Variants in PATJ observed in about 807,000 individuals in gnomAD.
PATJ encodes inaD-like protein.
PATJ carries 190 observed loss-of-function variants against 224.9 expected under a neutral mutation model. That is an observed-to-expected ratio of 0.84 (90% confidence interval 0.75 to 0.95). The LOEUF (loss-of-function observed/expected upper bound fraction) is 0.95. PATJ is among the 40% of genes least tolerant of loss of function. The pLI, the probability that PATJ is intolerant of heterozygous loss-of-function variation, is 0.00. For missense variants in PATJ, 2,121 were observed against 2,270.3 expected, an observed-to-expected ratio of 0.93 and a Z score of 1.34; for synonymous variants, 769 against 820.3, an observed-to-expected ratio of 0.94 and a Z score of 1.07.
chr1:62,023,290 CAA>C (rs10600520), intron 29 of PATJ, among the ~76,000 whole-genome samples: 1,401 of 105,034 alleles, frequency 0.013, 12 homozygotes, highest in Middle Eastern at 0.049. Context: ...AAGTCCATCT[CAA>C]AAAAAAAAAA....
intron 33 of PATJ, chr1:62,100,450 T>C (rs1446214490): frequency 1.4e-6 from 1 of 715,288 alleles, no homozygotes; most frequent in Non-Finnish European, 2.6e-6. Context: ...TGAACTCTTT[T>C]TATTAGGAAC....
At chr1:62,050,128 A>C (rs920095949) in intron 30 of PATJ, among the ~76,000 whole-genome samples, 4 of 151,600 alleles carry the variant, frequency 2.6e-5, no homozygotes, top group Admixed American at 2.6e-4. Flanking sequence ...ACCAAAAAAA[A>C]AAAAAAAAAA....
At chr1:61,848,959 G>A (rs775299897) in intron 17 of PATJ, among the ~76,000 whole-genome samples, 27 of 151,892 alleles carry the variant, frequency 1.8e-4, no homozygotes, top group Non-Finnish European at 3.7e-4. Flanking sequence ...ATATTACAGA[G>A]CTAACTATTC....
Position 61,886,819 on chromosome 1 carries a change from C to CAAAAAAAAAAAAAAAAAAAAAAAAAAA in PATJ, c.3131+2423_3131+2424insAAAAAAAAAAAAAAAAAAAAAAAAAAA, listed in dbSNP as rs35950461. ...TGGGCAACAGAGCAAGACCCCATCTCAAAAAAAAAAAATTAGCCTGTTGTG... is the reference window on the plus strand; with the variant it reads ...TGGGCAACAGAGCAAGACCCCATCTCAAAAAAAAAAAAAAAAAAAAAAAAAAAAAAAAAAAAAAATTAGCCTGTTGTG... On this transcript the variant is annotated intron_variant, in intron 22 of 43. Coordinates refer to ENST00000642238, the MANE Select transcript of PATJ (RefSeq NM_001350145.3). Among the ~76,000 whole-genome samples, 453 of 87,454 alleles carry CAAAAAAAAAAAAAAAAAAAAAAAAAAA rather than the reference C, an allele frequency of 5.2e-3. 124 individuals carry two copies. The highest frequency in any genetic ancestry group is 0.014 in the African/African-American group (338 of 24,966). 57.4% of individuals were successfully genotyped at this position (87,454 alleles called of 152,430 possible).
At chr1:61,945,893 G>T (rs996289099) in intron 27 of PATJ, among the ~76,000 whole-genome samples, 22 of 152,124 alleles carry the variant, frequency 1.4e-4, no homozygotes. Flanking sequence ...AATCAAACTA[G>T]AACTCAGGAT....
At chr1:61,916,405 A>G (rs1673462073) in intron 26 of PATJ, among the ~76,000 whole-genome samples, 1 of 152,176 alleles carries the variant, frequency 6.6e-6, no homozygotes, top group East Asian at 1.9e-4. Context: ...ATAATAAATA[A>G]TAAACTCTTT....
At chr1:61,968,473 T>C (rs1682482633) in intron 27 of PATJ, among the ~76,000 whole-genome samples, 1 of 152,296 alleles carries the variant, frequency 6.6e-6, no homozygotes, top group Non-Finnish European at 1.5e-5. Context: ...AAGTGTACAG[T>C]TTAGTAGTGT....
At chr1:62,059,969 A>T (rs56146113) in intron 31 of PATJ, among the ~76,000 whole-genome samples, 5,473 of 152,238 alleles carry the variant, frequency 0.036, 317 homozygotes, top group African/African-American at 0.13. Context: ...GAGAAAAGAA[A>T]CAGGAGGAAG....
rs1297199171 is a variant in PATJ at position 62,136,648 on chromosome 1, C to CGTGT, written c.5271+7716_5271+7719dup. ...AAGTGCTGAGGATTTTTATGTTTTG[C>CGTGT]GTGTGTGTGTGTGTGTCTGTGTGTG... On this transcript the variant is annotated intron_variant, in intron 41 of 43. Coordinates refer to ENST00000642238, the MANE Select transcript of PATJ (RefSeq NM_001350145.3). Among the ~76,000 whole-genome samples, 141 of 71,306 alleles carry CGTGT rather than the reference C, an allele frequency of 2.0e-3. 2 individuals are homozygous for CGTGT. The highest frequency in any genetic ancestry group is 7.5e-3 in the African/African-American group (127 of 16,920). 46.8% of individuals were successfully genotyped at this position (71,306 alleles called of 152,430 possible).
chr1:61,801,757 T>A lies in PATJ; in HGVS notation c.1537T>A (p.Leu513Ile). The A allele has an allele frequency of 6.3e-7, 1 of 1,582,004 alleles. No individual in the cohort carries two copies. Among genetic ancestry groups the A allele is most frequent in the Non-Finnish European group, 8.6e-7 (1 of 1,164,460 alleles). Reference sequence around the variant, plus strand: ...TTTAAAAAATGACAACATACAAGCCTTAGAAAAATTGGGTAGGCACAAAGC... The same window carrying A: ...TTTAAAAAATGACAACATACAAGCCATAGAAAAATTGGGTAGGCACAAAGC... ...DTLKNDNIQA[L>I]EKLEKVPDSP... The change falls in exon 12 of 44, where the codon TTA becomes ATA. Residue 513 changes from leucine (L) to isoleucine (I), a missense_variant. Leu to Ile is a conservative substitution (Grantham distance 5). Coordinates refer to ENST00000642238, the MANE Select transcript of PATJ (RefSeq NM_001350145.3).
chr1:62,100,106 T>G (rs1189966491), intron 33 of PATJ, among the ~76,000 whole-genome samples: 1 of 138,408 alleles, frequency 7.2e-6, no homozygotes, highest in Non-Finnish European at 1.7e-5. Flanking sequence ...AATTAAGTCC[T>G]TAATACTTGG....
chr1:62,098,360 A>AAAAAAG (rs1661654051), intron 33 of PATJ, among the ~76,000 whole-genome samples: 1 of 149,568 alleles, frequency 6.7e-6, no homozygotes, highest in Non-Finnish European at 1.5e-5. Flanking sequence ...CTCCATCTCA[A>AAAAAAG]AAAAAAAAAG....
At chr1:61,877,002 C>T (rs1259082976) in intron 21 of PATJ, among the ~76,000 whole-genome samples, 1 of 152,164 alleles carries the variant, frequency 6.6e-6, no homozygotes, top group Non-Finnish European at 1.5e-5. Flanking sequence ...AGATTTCAGA[C>T]AGAAGGCAGT....
At chr1:61,763,731 C>T (rs1251402566) in intron 3 of PATJ, among the ~76,000 whole-genome samples, 9 of 152,090 alleles carry the variant, frequency 5.9e-5, no homozygotes, top group Non-Finnish European at 2.9e-5. Flanking sequence ...GTGATCCTAG[C>T]TCACTGCAGC....
At chr1:62,128,601 A>G (rs1665959644) in intron 40 of PATJ, 1 of 475,562 alleles carries the variant, frequency 2.1e-6, no homozygotes, top group Non-Finnish European at 3.8e-6. Flanking sequence ...AAAATACAAA[A>G]ATGGCCTACT....
At chr1:62,075,069 C>A (rs1191464045) in intron 31 of PATJ, among the ~76,000 whole-genome samples, 1 of 150,450 alleles carries the variant, frequency 6.6e-6, no homozygotes, top group Non-Finnish European at 1.5e-5. Context: ...TAGGGCGAAT[C>A]CTAAATATCA....
chr1:61,785,250 A>G (rs1442377221), intron 7 of PATJ, among the ~76,000 whole-genome samples: 3 of 152,116 alleles, frequency 2.0e-5, no homozygotes, highest in Admixed American at 6.5e-5. Context: ...CAGGATATCT[A>G]TTTTTCATCT....
intron 42 of PATJ, among the ~76,000 whole-genome samples, chr1:62,150,347 G>A (rs1668493098): frequency 6.6e-6 from 1 of 152,154 alleles, no homozygotes; most frequent in Non-Finnish European, 1.5e-5. Context: ...CCAGAGAGCT[G>A]CCAGAGAAGT....
chr1:61,838,723 T>A (rs1193378628), intron 17 of PATJ, among the ~76,000 whole-genome samples: 1 of 151,942 alleles, frequency 6.6e-6, no homozygotes, highest in South Asian at 2.1e-4. Context: ...TGGTTATAAG[T>A]TTTTATACTG....
Sources: gnomAD v4.1 joint callset for allele counts (sites outside exome capture counted in the v4.1 genomes callset) on GRCh38, gnomAD v4.1.1 for gene constraint, MANE v1.5 for transcripts, NCBI Gene and HGNC (gene_info 2026-07-23, HGNC 2026-07-21) for gene names.